QTMAN: variants seen among roughly 807,000 people sequenced by gnomAD.
QTMAN encodes queuosine-tRNA mannosyltransferase.
chr2:143,990,541 G>A, the QTMAN span, among the ~76,000 whole-genome samples: 1 of 152,160 alleles, frequency 6.6e-6, no homozygotes, highest in East Asian at 1.9e-4. Flanking sequence ...AAGAATGCAT[G>A]GGAGAGATGT....
At chr2:144,284,111 A>G in the QTMAN span, among the ~76,000 whole-genome samples, 1 of 152,114 alleles carries the variant, frequency 6.6e-6, no homozygotes, top group Non-Finnish European at 1.5e-5. Context: ...TTGTTTACAA[A>G]AACAAATAAT....
At chr2:144,273,102 T>TA in the QTMAN span, among the ~76,000 whole-genome samples, 5 of 152,290 alleles carry the variant, frequency 3.3e-5, no homozygotes, top group Non-Finnish European at 5.9e-5. Flanking sequence ...TGTACCTTTC[T>TA]ACTTCAGAAA....
the QTMAN span, among the ~76,000 whole-genome samples, chr2:144,050,986 T>C: frequency 6.6e-6 from 1 of 152,238 alleles, no homozygotes; most frequent in Admixed American, 6.5e-5. Context: ...GAAAGTCAAC[T>C]GTAAATGTGA....
the QTMAN span, among the ~76,000 whole-genome samples, chr2:144,077,677 G>A: frequency 6.6e-6 from 1 of 152,188 alleles, no homozygotes; most frequent in African/African-American, 2.4e-5. Context: ...GTGCCTGTGT[G>A]TTGTGTGTGT....
At chr2:144,123,454 T>G in the QTMAN span, among the ~76,000 whole-genome samples, 1 of 152,118 alleles carries the variant, frequency 6.6e-6, no homozygotes, top group Non-Finnish European at 1.5e-5. Context: ...GGTGTAAACT[T>G]GAGTATCTAT....
At chr2:144,176,963 C>T in the QTMAN span, among the ~76,000 whole-genome samples, 4 of 152,100 alleles carry the variant, frequency 2.6e-5, no homozygotes, top group Admixed American at 6.5e-5. Context: ...TCACCGCAGA[C>T]GGTAAAGGGG....
chr2:144,314,473 G>A, the QTMAN span, among the ~76,000 whole-genome samples: 32 of 152,158 alleles, frequency 2.1e-4, no homozygotes, highest in Non-Finnish European at 4.3e-4. Flanking sequence ...AGCACTTTGG[G>A]AGGCCAAGGC....
the QTMAN span, among the ~76,000 whole-genome samples, chr2:144,159,822 G>A: frequency 6.6e-6 from 1 of 152,064 alleles, no homozygotes; most frequent in Non-Finnish European, 1.5e-5. Flanking sequence ...TGAAAAAGTT[G>A]TAATAAGAAA....
chr2:144,207,733 G>A, the QTMAN span, among the ~76,000 whole-genome samples: 2 of 152,140 alleles, frequency 1.3e-5, no homozygotes, highest in Non-Finnish European at 2.9e-5. Context: ...GGAGAATAAG[G>A]AGGAAGAGAT....
the QTMAN span, among the ~76,000 whole-genome samples, chr2:144,304,650 C>T: frequency 2.0e-5 from 3 of 152,144 alleles, no homozygotes; most frequent in African/African-American, 4.8e-5. Flanking sequence ...TCACTATATT[C>T]GCCAGGCTGG....
the QTMAN span, among the ~76,000 whole-genome samples, chr2:144,039,000 G>T: frequency 6.6e-6 from 1 of 152,010 alleles, no homozygotes; most frequent in Non-Finnish European, 1.5e-5. Flanking sequence ...TAGAATTTGA[G>T]ACCTGCTAGG....
the QTMAN span, among the ~76,000 whole-genome samples, chr2:144,127,292 A>C: frequency 4.0e-3 from 606 of 152,052 alleles, 5 homozygotes; most frequent in Middle Eastern, 0.014. Context: ...AACACACACA[A>C]AAAAAATGTA....
the QTMAN span, among the ~76,000 whole-genome samples, chr2:144,240,828 T>G: frequency 3.9e-5 from 6 of 152,212 alleles, no homozygotes; most frequent in African/African-American, 9.6e-5. Context: ...TACTGAGGCC[T>G]TGCCTCACTG....
chr2:144,329,228 T>A, the QTMAN span, among the ~76,000 whole-genome samples: 1 of 150,762 alleles, frequency 6.6e-6, no homozygotes. Context: ...GGTGACAGAG[T>A]GTGACTCTGC....
chr2:144,332,320 C>T, the QTMAN span: 1 of 149,942 alleles, frequency 6.7e-6, no homozygotes, highest in African/African-American at 2.4e-5. Flanking sequence ...CGCTGCTGCC[C>T]CTCTGGGATC....
At chr2:144,291,909 G>A in the QTMAN span, among the ~76,000 whole-genome samples, 2 of 152,110 alleles carry the variant, frequency 1.3e-5, no homozygotes, top group Non-Finnish European at 2.9e-5. Context: ...CAACTGCTTT[G>A]GAAACATTCC....
the QTMAN span, among the ~76,000 whole-genome samples, chr2:144,289,879 G>C: frequency 1.3e-5 from 2 of 152,192 alleles, no homozygotes; most frequent in Non-Finnish European, 2.9e-5. Context: ...CTGTTAAAAA[G>C]TATAGCCTAA....
the QTMAN span, among the ~76,000 whole-genome samples, chr2:144,064,343 C>G: frequency 6.6e-6 from 1 of 152,176 alleles, no homozygotes; most frequent in Non-Finnish European, 1.5e-5. Flanking sequence ...CATTAGAAGT[C>G]AGATTGATTA....
chr2:144,252,733 CT>C, the QTMAN span, among the ~76,000 whole-genome samples: 2 of 152,288 alleles, frequency 1.3e-5, no homozygotes, highest in Non-Finnish European at 2.9e-5. Context: ...AATCCAGCAA[CT>C]GTGCTTCTTG....
Sources: allele counts gnomAD v4.1 joint callset (sites outside exome capture counted in the v4.1 genomes callset), GRCh38; gene constraint gnomAD v4.1.1; transcripts MANE v1.5; gene names NCBI Gene and HGNC (gene_info 2026-07-23, HGNC 2026-07-21).